The following HADHB variants were observed in gnomAD, a reference collection of about 807,000 sequenced individuals.
HADHB encodes the protein trifunctional enzyme subunit beta, mitochondrial.
Under a neutral mutation model 61.9 loss-of-function variants are expected in HADHB, and 50 were observed. The observed-to-expected ratio is 0.81, with a 90% CI of 0.64 to 1.02. The LOEUF is 1.02. Ranked by LOEUF, HADHB falls within the 50% of genes least tolerant of loss-of-function variation. The pLI is 0.00. For synonymous variants in HADHB, 191 were observed against 201.6 expected, an observed-to-expected ratio of 0.95 and a Z score of 0.45; for missense variants, 504 against 586.5, an observed-to-expected ratio of 0.86 and a Z score of 1.45.
chr2:26,263,616 A>G, intron 4 of HADHB, 137 bp downstream of exon 4: 3 of 712,518 alleles, frequency 4.2e-6, no homozygotes, highest in South Asian at 1.5e-5. Context: ...AAATTAATAT[A>G]GAATAAGTCA....
At chr2:26,245,637 T>C (rs1467409147) in intron 1 of HADHB, among the ~76,000 whole-genome samples, 13 of 151,984 alleles carry the variant, frequency 8.6e-5, no homozygotes, top group Admixed American at 8.5e-4. Flanking sequence ...CCCATGGCCA[T>C]ATGTAGTAGA....
At chr2:26,278,096 A>G (rs1672623370) in intron 7 of HADHB, among the ~76,000 whole-genome samples, 1 of 151,932 alleles carries the variant, frequency 6.6e-6, no homozygotes, top group Non-Finnish European at 1.5e-5. Context: ...ACCCCACCTC[A>G]TGTGTGGCGG....
intron 4 of HADHB, 104 bp downstream of exon 4, chr2:26,263,583 AAT>A (rs1338443074): frequency 1.3e-6 from 1 of 773,036 alleles, no homozygotes; most frequent in Non-Finnish European, 2.3e-6. Flanking sequence ...TTAGTGGACT[AAT>A]ATTTGGATAG....
At chr2:26,279,848 T>A in intron 9 of HADHB, 146 bp from the exon 10 acceptor site, 1 of 646,074 alleles carries the variant, frequency 1.5e-6, no homozygotes, top group East Asian at 2.8e-5. Flanking sequence ...AATTTGATAA[T>A]ATGATAATTA....
chr2:26,266,137 A>G (rs1016935221), intron 4 of HADHB, among the ~76,000 whole-genome samples: 1 of 151,886 alleles, frequency 6.6e-6, no homozygotes, highest in Admixed American at 6.6e-5. Context: ...ATGGTGGTGC[A>G]TGCCCCTAGT....
Position 26,282,990 on chromosome 2 carries a change from AT to A in HADHB, c.1014-7del. 3 of 1,606,522 alleles carry A rather than the reference AT, an allele frequency of 1.9e-6. No individual in the cohort carries two copies. The highest frequency in any genetic ancestry group is 1.3e-5 in the African/African-American group (1 of 74,918). On this transcript the variant is annotated splice_polypyrimidine_tract_variant and intron_variant, in intron 11 of 15. Coordinates refer to ENST00000317799, the MANE Select transcript of HADHB (RefSeq NM_000183.3). Reference sequence around the variant, plus strand: ...TTTTATTACCAAAGCTCACCTCTCTATTTTTTTACCTAGGGATTTTATGTAT... The same window carrying A: ...TTTTATTACCAAAGCTCACCTCTCTATTTTTTACCTAGGGATTTTATGTAT...
chr2:26,279,082 T>G (rs984889199), intron 8 of HADHB, 53 bp from the exon 9 acceptor site: 3 of 1,378,022 alleles, frequency 2.2e-6, no homozygotes, highest in Non-Finnish European at 3.1e-6. Flanking sequence ...TCCTAGGTGT[T>G]AGCATAACAC....
chr2:26,249,266 G>T (rs1390234990), intron 1 of HADHB, among the ~76,000 whole-genome samples: 1 of 152,056 alleles, frequency 6.6e-6, no homozygotes, highest in East Asian at 1.9e-4. Context: ...GGGCGTGGTG[G>T]CTCACGCCTG....
intron 7 of HADHB, among the ~76,000 whole-genome samples, chr2:26,277,960 C>T (rs2147824110): frequency 6.6e-6 from 1 of 152,338 alleles, no homozygotes; most frequent in South Asian, 2.1e-4. Context: ...ACTGAAAACC[C>T]CACTAACAAA....
intron 1 of HADHB, among the ~76,000 whole-genome samples, chr2:26,251,944 T>C (rs1031750881): frequency 6.0e-4 from 91 of 152,228 alleles, no homozygotes; most frequent in African/African-American, 2.1e-3. Context: ...CAAGGGCACT[T>C]TAGCTGGGTT....
At chr2:26,264,498 C>T (rs370036721) in intron 4 of HADHB, among the ~76,000 whole-genome samples, 26 of 134,644 alleles carry the variant, frequency 1.9e-4, no homozygotes, top group East Asian at 6.2e-4. Flanking sequence ...TGCAGTGAGC[C>T]GTGATCATGC....
chr2:26,279,791 A>G (rs1385628763), intron 9 of HADHB, among the ~76,000 whole-genome samples: 2 of 152,154 alleles, frequency 1.3e-5, no homozygotes, highest in African/African-American at 2.4e-5. Flanking sequence ...TATTTTTAGT[A>G]AAGCATTTAG....
chr2:26,282,522 G>A (rs1389026799), intron 10 of HADHB, among the ~76,000 whole-genome samples: 2 of 152,106 alleles, frequency 1.3e-5, no homozygotes, highest in East Asian at 1.9e-4. Flanking sequence ...GCCTCCCAAA[G>A]TGCTGGGATT....
At chr2:26,259,534 G>A (rs1671775070) in intron 3 of HADHB, among the ~76,000 whole-genome samples, 1 of 152,146 alleles carries the variant, frequency 6.6e-6, no homozygotes, top group South Asian at 2.1e-4. Context: ...CTGCCTCAGG[G>A]TTATAGAACA....
At chr2:26,264,433 C>G (rs543720987) in intron 4 of HADHB, among the ~76,000 whole-genome samples, 3 of 151,468 alleles carry the variant, frequency 2.0e-5, no homozygotes, top group Non-Finnish European at 4.4e-5. Flanking sequence ...ACCTGTAGTC[C>G]CAGCTACTCA....
chr2:26,283,231 T>C (rs910570523), intron 12 of HADHB, among the ~76,000 whole-genome samples, 180 bp downstream of exon 12: 25 of 152,132 alleles, frequency 1.6e-4, no homozygotes, highest in African/African-American at 5.8e-4. Flanking sequence ...TTAAAAAAAA[T>C]AATAGTAATC....
chr2:26,288,825 T>C (rs1244416297), intron 15 of HADHB, among the ~76,000 whole-genome samples: 1 of 152,250 alleles, frequency 6.6e-6, no homozygotes, highest in Non-Finnish European at 1.5e-5. Context: ...CTTGGCACTT[T>C]GTAAATAATA....
chr2:26,251,712 G>A (rs915721811), intron 1 of HADHB, among the ~76,000 whole-genome samples: 26 of 152,066 alleles, frequency 1.7e-4, no homozygotes, highest in African/African-American at 6.3e-4. Context: ...TGATCCTAAA[G>A]CTTGGGCTTC....
intron 5 of HADHB, among the ~76,000 whole-genome samples, chr2:26,272,652 A>G (rs796267388): frequency 1.3e-5 from 2 of 152,084 alleles, no homozygotes; most frequent in African/African-American, 4.8e-5. Flanking sequence ...CCCGGCTGAT[A>G]TGGTCCCATT....
Sources: allele counts gnomAD v4.1 joint callset (sites outside exome capture counted in the v4.1 genomes callset), GRCh38; gene constraint gnomAD v4.1.1; transcripts MANE v1.5; gene names NCBI Gene and HGNC (gene_info 2026-07-23, HGNC 2026-07-21).